The following PLCE1 variants were observed in gnomAD, a reference collection of about 807,000 sequenced individuals.
PLCE1 encodes phospholipase C epsilon 1.
PLCE1 carries 119 observed loss-of-function variants against 242.8 expected under a neutral mutation model. That is an observed-to-expected ratio of 0.49 (90% CI 0.42 to 0.57). The LOEUF is 0.57. Among genes scored for constraint, PLCE1 ranks in the 20% least tolerant of loss-of-function variants. PLCE1 has a pLI of 0.00. For missense variants in PLCE1, 2,441 were observed against 2,788.8 expected (o/e 0.88, Z 2.81); for synonymous variants, 945 against 1,017.4 (o/e 0.93, Z 1.35).
chr10:94,048,456 T>A (rs889614891), intron 2 of PLCE1, among the ~76,000 whole-genome samples: 9 of 152,016 alleles, frequency 5.9e-5, no homozygotes, highest in African/African-American at 2.2e-4. Flanking sequence ...ACTTTATATG[T>A]TTCAACTTGT....
At position 94,252,497 on chromosome 10, in the gene PLCE1, G is replaced by A. The variant is rs746405415; in HGVS notation, c.3278G>A (p.Arg1093Lys). The change falls in exon 9 of 33, where the codon AGG becomes AAG. Residue 1093 changes from arginine (R) to lysine (K), a missense_variant and splice_region_variant. Arg to Lys is a conservative substitution (Grantham distance 26, BLOSUM62 2). Transcript: ENST00000371380. Reference sequence around the variant, plus strand: ...AAGAAAAAGAAGAAAATCCTCATGAGGGTAGAGTGTTATTTGTTTATTAAG... The same window carrying A: ...AAGAAAAAGAAGAAAATCCTCATGAAGGTAGAGTGTTATTTGTTTATTAAG... The part of the protein sequence containing the change: ...TTKKKKKILM[R>K]GESGEVTDDE... The A allele has an allele frequency of 6.2e-7, 1 of 1,611,890 alleles. No individual in the cohort carries two copies. The highest frequency in any genetic ancestry group is 2.2e-5 in the East Asian group (1 of 44,726).
chr10:94,072,508 A>G (rs1323668125), intron 2 of PLCE1, among the ~76,000 whole-genome samples: 1 of 151,890 alleles, frequency 6.6e-6, no homozygotes. Flanking sequence ...CAATCTCCTG[A>G]CCTTGTGATC....
At chr10:94,184,639 A>G (rs1423454064) in intron 4 of PLCE1, among the ~76,000 whole-genome samples, 2 of 152,056 alleles carry the variant, frequency 1.3e-5, no homozygotes, top group Non-Finnish European at 2.9e-5. Flanking sequence ...CCTCCAACCT[A>G]ACTTTATACA....
intron 2 of PLCE1, among the ~76,000 whole-genome samples, chr10:94,032,979 A>G (rs1420276286): frequency 6.6e-6 from 1 of 152,154 alleles, no homozygotes; most frequent in Non-Finnish European, 1.5e-5. Context: ...ACAAAAAATA[A>G]CAATATAACA....
intron 4 of PLCE1, among the ~76,000 whole-genome samples, chr10:94,183,767 G>C (rs1242474875): frequency 6.6e-6 from 1 of 152,122 alleles, no homozygotes; most frequent in Admixed American, 6.5e-5. Flanking sequence ...TACTCATGGC[G>C]GGAGGTGAAA....
intron 22 of PLCE1, 36 bp downstream of exon 22, chr10:94,285,001 A>T: frequency 1.7e-6 from 2 of 1,155,138 alleles, no homozygotes. Flanking sequence ...ACTTTTAAAG[A>T]TATCAAAGGT....
intron 1 of PLCE1, among the ~76,000 whole-genome samples, chr10:94,002,444 T>A (rs2060949398): frequency 6.6e-6 from 1 of 152,202 alleles, no homozygotes; most frequent in South Asian, 2.1e-4. Context: ...TTTCTCACCA[T>A]GCTGTCTATT....
At chr10:94,251,390 G>A (rs2050868669) in intron 8 of PLCE1, among the ~76,000 whole-genome samples, 1 of 152,124 alleles carries the variant, frequency 6.6e-6, no homozygotes, top group Non-Finnish European at 1.5e-5. Flanking sequence ...CATATGATCT[G>A]CAACAAAGCA....
At chr10:94,231,076 T>C (rs2226170) in intron 5 of PLCE1, among the ~76,000 whole-genome samples, 57,166 of 152,028 alleles carry the variant, frequency 0.38, 11,101 homozygotes, top group East Asian at 0.59. Context: ...TGTGGTAGAA[T>C]TGTAAGTGGG....
intron 4 of PLCE1, among the ~76,000 whole-genome samples, chr10:94,208,376 C>T (rs1488785241): frequency 6.6e-6 from 1 of 152,186 alleles, no homozygotes; most frequent in Non-Finnish European, 1.5e-5. Context: ...GAATGTAAGG[C>T]CTGTAATCTT....
chr10:94,121,621 C>T (rs1231909040), intron 2 of PLCE1, among the ~76,000 whole-genome samples: 1 of 152,146 alleles, frequency 6.6e-6, no homozygotes, highest in Admixed American at 6.5e-5. Flanking sequence ...TCTGTTATAT[C>T]TCCATTAAAG....
chr10:94,171,578 T>A, intron 4 of PLCE1, 82 bp downstream of exon 4: 1 of 1,060,792 alleles, frequency 9.4e-7, no homozygotes, highest in Non-Finnish European at 1.5e-6. Flanking sequence ...TAGGTTTGTC[T>A]GTTCCTGATG....
intron 2 of PLCE1, chr10:94,100,342 C>T (rs2045484913): frequency 6.6e-6 from 1 of 152,092 alleles, no homozygotes; most frequent in Non-Finnish European, 1.5e-5. Context: ...TCAGGGGTAC[C>T]ACAGAGTTAG....
intron 3 of PLCE1, among the ~76,000 whole-genome samples, chr10:94,150,642 G>T (rs1157476858): frequency 2.0e-5 from 3 of 152,162 alleles, no homozygotes; most frequent in Non-Finnish European, 4.4e-5. Flanking sequence ...ATGGTGTTTT[G>T]CAGTCCTTCT....
At chr10:94,319,482 CT>C (rs908788573) in intron 29 of PLCE1, among the ~76,000 whole-genome samples, 1 of 152,162 alleles carries the variant, frequency 6.6e-6, no homozygotes, top group African/African-American at 2.4e-5. Flanking sequence ...TCTGTGACCT[CT>C]GATCTCTCCT....
intron 25 of PLCE1, among the ~76,000 whole-genome samples, chr10:94,305,916 G>A (rs908575738): frequency 6.6e-6 from 1 of 151,816 alleles, no homozygotes; most frequent in African/African-American, 2.4e-5. Context: ...AGTGAATGAT[G>A]TTGACAAAAT....
chr10:94,111,580 G>A (rs558867733), intron 2 of PLCE1, among the ~76,000 whole-genome samples: 2 of 152,298 alleles, frequency 1.3e-5, no homozygotes, highest in South Asian at 4.1e-4. Context: ...GGTGGCTAGA[G>A]AGCCCCTGCA....
intron 19 of PLCE1, among the ~76,000 whole-genome samples, chr10:94,274,454 C>T (rs978439428): frequency 3.9e-5 from 6 of 152,130 alleles, no homozygotes; most frequent in African/African-American, 1.2e-4. Flanking sequence ...TACAAACATC[C>T]GAACCTGCAT....
chr10:94,316,643 A>C lies in PLCE1; in HGVS notation c.6229A>C (p.Lys2077Gln). The C allele has an allele frequency of 6.2e-7, 1 of 1,611,260 alleles. No homozygotes were observed. Among genetic ancestry groups the C allele is most frequent in the Non-Finnish European group, 8.5e-7 (1 of 1,177,346 alleles). ...ATCTAAAGAAAAGAATGAATGTAGG[A>C]AACAACCATTCCAGAGAGCCATTGG... Reference protein sequence around the residue: ...FISKEKNECRKQPFQRAIGPE... With the variant: ...FISKEKNECRQQPFQRAIGPE... Residue 2077 changes from lysine (K) to glutamine (Q), a missense_variant, in exon 29 of 33, where the codon AAA becomes CAA. Coordinates refer to ENST00000371380, the MANE Select transcript of PLCE1 (RefSeq NM_016341.4).
Sources: allele counts gnomAD v4.1 joint callset (sites outside exome capture counted in the v4.1 genomes callset), GRCh38; gene constraint gnomAD v4.1.1; transcripts MANE v1.5; gene names NCBI Gene and HGNC (gene_info 2026-07-23, HGNC 2026-07-21).